ACACA: variants seen among roughly 807,000 people sequenced by gnomAD.
ACACA encodes the protein acetyl-CoA carboxylase 1.
In ACACA, 103 loss-of-function variants were observed where a neutral mutation model predicts 296.1. That is an observed-to-expected ratio of 0.35 (90% confidence interval 0.30 to 0.41). ACACA has a LOEUF of 0.41. Among genes scored for constraint, ACACA ranks in the 10% least tolerant of loss-of-function variants. The pLI, the probability that ACACA is intolerant of heterozygous loss-of-function variation, is 1.00. For synonymous variants in ACACA, 953 were observed against 1,038.6 expected (o/e 0.92, Z 1.58); for missense variants, 1,554 against 2,989.7 (o/e 0.52, Z 11.20).
chr17:37,280,280 C>G (rs761204950), intron 5 of ACACA, among the ~76,000 whole-genome samples: 7 of 152,214 alleles, frequency 4.6e-5, no homozygotes, highest in Non-Finnish European at 1.0e-4. Flanking sequence ...ATGGTCATGG[C>G]TCACTGCGAC....
At chr17:37,279,930 CATTT>C (rs1372752896) in intron 5 of ACACA, among the ~76,000 whole-genome samples, 2 of 151,952 alleles carry the variant, frequency 1.3e-5, no homozygotes, top group African/African-American at 2.4e-5. Context: ...CTATATAATT[CATTT>C]GACTACTAAC....
chr17:37,258,469 C>G, intron 12 of ACACA, 96 bp from the exon 13 acceptor site: 1 of 1,198,488 alleles, frequency 8.3e-7, no homozygotes, highest in Non-Finnish European at 1.2e-6. Context: ...ATTTTTGGAG[C>G]CACTCCCTAA....
At chr17:37,346,553 T>C (rs934977100) in intron 1 of ACACA, among the ~76,000 whole-genome samples, 1 of 151,068 alleles carries the variant, frequency 6.6e-6, no homozygotes, top group Non-Finnish European at 1.5e-5. Flanking sequence ...TACAAAAAAA[T>C]TAGCCGGGCG....
intron 1 of ACACA, among the ~76,000 whole-genome samples, chr17:37,390,330 A>AATATATATATATATATATATC (rs1244676462): frequency 2.4e-5 from 1 of 41,592 alleles, no homozygotes; most frequent in Non-Finnish European, 3.7e-5. Context: ...ATATATATAT[A>AATATATATATATATATATATC]TATAAAAGGC....
In ACACA at chr17:37,195,743, A is replaced by T. The variant is rs188409074; in HGVS notation, c.4159-2328T>A. On this transcript the variant is annotated intron_variant, in intron 35 of 55. Transcript: ENST00000616317. ...ATCACAGAAAACACAGAAAAGAAGA[A>T]ATCTAAAAGTCTGATCCTACAGTTT... Among the ~76,000 whole-genome samples, 10 of 152,244 alleles carry T rather than the reference A, an allele frequency of 6.6e-5. No individual in the cohort carries two copies. The East Asian group carries it at 1.4e-3, about 21-fold the overall frequency.
chr17:37,285,725 G>A (rs563864801), intron 3 of ACACA, among the ~76,000 whole-genome samples: 5 of 150,670 alleles, frequency 3.3e-5, no homozygotes, highest in South Asian at 4.2e-4. Context: ...GGTGGGGGGC[G>A]CAGCTGAGGC....
At chr17:37,187,558 C>T (rs2077584041) in intron 39 of ACACA, among the ~76,000 whole-genome samples, 1 of 152,112 alleles carries the variant, frequency 6.6e-6, no homozygotes, top group African/African-American at 2.4e-5. Flanking sequence ...ATTTAGAAAC[C>T]AACGTAGTAA....
At position 37,375,881 on chromosome 17, in the gene ACACA, G is replaced by A. The variant is rs2049981935; in HGVS notation, c.38+30381C>T. On this transcript the variant is annotated intron_variant, in intron 1 of 55. Transcript: ENST00000616317. The stretch of plus-strand genomic sequence containing the variant: ...CAGCGAAGTCAGAAGAAGTCTGAGT[G>A]AATTATTAATAAGCAGAATTAGCCC... 1.4e-5 allele frequency: 7 copies of A among 483,580 alleles called. No homozygotes were observed. The East Asian group carries it at 2.2e-4, about 15-fold the overall frequency. 30.0% of individuals were successfully genotyped at this position (483,580 alleles called of 1,614,324 possible).
At chr17:37,317,935 T>G (rs1036547358) in intron 3 of ACACA, among the ~76,000 whole-genome samples, 7 of 152,070 alleles carry the variant, frequency 4.6e-5, no homozygotes, top group African/African-American at 1.7e-4. Flanking sequence ...AAGTTGCAGA[T>G]CTCATAATGA....
chr17:37,101,846 G>A (rs1439148889), intron 52 of ACACA, among the ~76,000 whole-genome samples: 2 of 152,222 alleles, frequency 1.3e-5, no homozygotes. Context: ...TAAAGTCACA[G>A]CCCTGCAGGG....
intron 5 of ACACA, among the ~76,000 whole-genome samples, chr17:37,279,051 G>A (rs904402875): frequency 7.2e-5 from 11 of 151,772 alleles, no homozygotes; most frequent in Admixed American, 6.6e-4. Context: ...ACATTTATGC[G>A]GCCAACAAAC....
At chr17:37,373,069 T>TG (rs1200102833) in intron 1 of ACACA, among the ~76,000 whole-genome samples, 1 of 151,900 alleles carries the variant, frequency 6.6e-6, no homozygotes, top group Non-Finnish European at 1.5e-5. Context: ...TTGGTGGAGA[T>TG]GGGGTTTCAC....
intron 35 of ACACA, among the ~76,000 whole-genome samples, chr17:37,198,488 C>T (rs2078103668): frequency 6.6e-6 from 1 of 152,174 alleles, no homozygotes; most frequent in Non-Finnish European, 1.5e-5. Context: ...CATCTACCAG[C>T]CACAGTGTTT....
rs758297197 is a variant in ACACA at position 37,097,266 on chromosome 17, G to C, written c.6721-100C>G. 13 of 1,379,712 alleles carry C rather than the reference G, an allele frequency of 9.4e-6. No homozygotes were observed. The highest frequency in any genetic ancestry group is 1.3e-5 in the Non-Finnish European group (13 of 1,000,602). 85.5% of individuals were successfully genotyped at this position (1,379,712 alleles called of 1,614,324 possible). ...GCATAAAAACTGATTCTCCAGGCAA[G>C]CCCTTCACAGACCCAAGAGCTGGCT... On this transcript the variant is annotated intron_variant, in intron 53 of 55. Coordinates refer to ENST00000616317, the MANE Select transcript of ACACA (RefSeq NM_198834.3). The surrounding 1 kb of genome is among the most constrained non-coding windows in gnomAD (Gnocchi z 4.8).
At chr17:37,217,531 C>T (rs1220051200) in intron 29 of ACACA, among the ~76,000 whole-genome samples, 5 of 151,464 alleles carry the variant, frequency 3.3e-5, no homozygotes, top group South Asian at 2.1e-4. Flanking sequence ...GTAATGAGAT[C>T]GAGACCATCC....
intron 25 of ACACA, among the ~76,000 whole-genome samples, chr17:37,234,612 C>T (rs1407984858): frequency 6.6e-6 from 1 of 151,774 alleles, no homozygotes; most frequent in Non-Finnish European, 1.5e-5. Context: ...TTGCTTGTAT[C>T]TATGGAACAA....
At chr17:37,204,739 TG>T (rs1173408540) in intron 33 of ACACA, among the ~76,000 whole-genome samples, 1 of 152,156 alleles carries the variant, frequency 6.6e-6, no homozygotes, top group East Asian at 1.9e-4. Flanking sequence ...GTATAATAAA[TG>T]AGGCACATTA....
intron 1 of ACACA, among the ~76,000 whole-genome samples, chr17:37,357,383 C>T (rs2049190531): frequency 2.0e-5 from 3 of 152,090 alleles, no homozygotes; most frequent in Admixed American, 6.5e-5. Context: ...ATCCCAGCTA[C>T]TCGGGAGGCT....
At chr17:37,146,913 A>C (rs1173036994) in intron 45 of ACACA, among the ~76,000 whole-genome samples, 1 of 145,606 alleles carries the variant, frequency 6.9e-6, no homozygotes, top group Non-Finnish European at 1.5e-5. Flanking sequence ...TGCACAATCC[A>C]TCTGCTTTCA....
Sources: allele counts gnomAD v4.1 joint callset (sites outside exome capture counted in the v4.1 genomes callset), GRCh38; gene constraint gnomAD v4.1.1; non-coding constraint Gnocchi (gnomAD v3.1); transcripts MANE v1.5; gene names NCBI Gene and HGNC (gene_info 2026-07-23, HGNC 2026-07-21).